SBNO1: variants seen among roughly 807,000 people sequenced by gnomAD.
SBNO1 encodes strawberry notch homolog 1.
SBNO1 carries 23 observed loss-of-function variants against 173.6 expected under a neutral mutation model. The ratio of observed to expected loss-of-function variants is 0.13; its 90% CI spans 0.10 to 0.19. The LOEUF is 0.19. Ranked by LOEUF, SBNO1 falls within the 10% of genes least tolerant of loss-of-function variation. The pLI, the probability that SBNO1 is intolerant of heterozygous loss-of-function variation, is 1.00. For synonymous variants in SBNO1, 632 were observed against 571.5 expected (o/e 1.11, Z -1.51); for missense variants, 1,238 against 1,671.2 (o/e 0.74, Z 4.52).
At chr12:123,338,079 T>C (rs942344122) in intron 5 of SBNO1, among the ~76,000 whole-genome samples, 5 of 152,088 alleles carry the variant, frequency 3.3e-5, no homozygotes, top group Non-Finnish European at 7.3e-5. Flanking sequence ...ACCTGGGAAA[T>C]GTTTGCCCAA....
At chr12:123,320,153 A>G (rs1869781532) in intron 19 of SBNO1, 122 bp from the exon 20 acceptor site, 2 of 1,123,970 alleles carry the variant, frequency 1.8e-6, no homozygotes, top group South Asian at 3.0e-5. Context: ...CACACACTGA[A>G]GGATACAGAA....
intron 1 of SBNO1, among the ~76,000 whole-genome samples, chr12:123,360,903 G>C (rs1020808041): frequency 6.6e-6 from 1 of 152,066 alleles, no homozygotes; most frequent in African/African-American, 2.4e-5. Context: ...ACGAGGTCAG[G>C]AGATCGAGAC....
intron 6 of SBNO1, among the ~76,000 whole-genome samples, chr12:123,334,878 CAA>C (rs1313575498): frequency 6.6e-6 from 1 of 152,142 alleles, no homozygotes; most frequent in Non-Finnish European, 1.5e-5. Context: ...TTCAGTAAAA[CAA>C]AAGTTTGCAA....
chr12:123,303,922 C>CTTTTTTTT (rs11413728), intron 29 of SBNO1, among the ~76,000 whole-genome samples: 7 of 100,464 alleles, frequency 7.0e-5, no homozygotes, highest in Admixed American at 1.6e-4. Context: ...AATAAGTATT[C>CTTTTTTTT]TTTTTTTTTT....
Position 123,336,316 on chromosome 12 carries a change from G to GA in SBNO1, c.748+78dup, listed in dbSNP as rs901674160. 71 of 950,346 alleles carry GA rather than the reference G, an allele frequency of 7.5e-5. 1 individual carries two copies. In the African/African-American group the frequency reaches 7.8e-4, roughly 10 times the overall value. The allele number at this position is 950,346 out of a possible 1,614,324, so 58.9% of individuals were successfully genotyped here. On this transcript the variant is annotated intron_variant, in intron 6 of 31. Coordinates refer to ENST00000602398, the MANE Select transcript of SBNO1 (RefSeq NM_001167856.3). ...TAAAGCAAGATTCTAAATTTATATG[G>GA]AAAAAAACAAAACAAAAAGAACCAA...
rs1202904596 is a variant in SBNO1 at position 123,289,899 on chromosome 12, T to G, written c.*6009A>C. 12 of 152,278 alleles carry G rather than the reference T, an allele frequency of 7.9e-5. No homozygotes were observed. Among genetic ancestry groups the G allele is most frequent in the Non-Finnish European group, 1.8e-4 (12 of 68,076 alleles). 9.4% of individuals were successfully genotyped at this position (152,278 alleles called of 1,614,324 possible). ...CAGCAAAAAGGCCTTCAGTGTCTGC[T>G]GGCCAGAAACATCTGCCCAGGCACA... On this transcript the variant is annotated 3_prime_UTR_variant, in exon 32 of 32. Transcript: ENST00000602398.
At chr12:123,344,384 C>CA (rs1872877624) in intron 4 of SBNO1, among the ~76,000 whole-genome samples, 1 of 152,100 alleles carries the variant, frequency 6.6e-6, no homozygotes, top group Non-Finnish European at 1.5e-5. Flanking sequence ...AAACGAAAAC[C>CA]AAAAGACAAA....
chr12:123,356,517 C>T (rs1421223721), intron 1 of SBNO1, among the ~76,000 whole-genome samples: 1 of 152,220 alleles, frequency 6.6e-6, no homozygotes, highest in African/African-American at 2.4e-5. Context: ...CTCACTGCAA[C>T]CTTGAATCCG....
At chr12:123,306,872 TTCAA>T (rs2048927991) in intron 28 of SBNO1, among the ~76,000 whole-genome samples, 5 of 151,702 alleles carry the variant, frequency 3.3e-5, no homozygotes, top group Admixed American at 3.3e-4. Flanking sequence ...CAACCTACAG[TTCAA>T]TCAGTATTTC....
At chr12:123,348,363 CCT>C (rs1873466823) in intron 2 of SBNO1, among the ~76,000 whole-genome samples, 1 of 152,204 alleles carries the variant, frequency 6.6e-6, no homozygotes, top group Non-Finnish European at 1.5e-5. Flanking sequence ...GTGGCTCATG[CCT>C]GTAATCCCAG....
Position 123,319,581 on chromosome 12 carries a change from G to A in SBNO1, c.2799+319C>T, listed in dbSNP as rs546457889. Among the ~76,000 whole-genome samples the A allele has an allele frequency of 5.7e-4, 87 of 151,388 alleles. 1 individual carries two copies. The highest frequency in any genetic ancestry group is 1.9e-3 in the African/African-American group (79 of 41,386). On this transcript the variant is annotated intron_variant, in intron 20 of 31. Transcript: ENST00000602398. ...CACTACCACACCCAGCTAAATTTTTGTATTTTCAGTAGAGACGGGGTTTCA... is the reference window on the plus strand; with the variant it reads ...CACTACCACACCCAGCTAAATTTTTATATTTTCAGTAGAGACGGGGTTTCA...
At chr12:123,324,977 T>A (rs1870446326) in intron 15 of SBNO1, among the ~76,000 whole-genome samples, 1 of 150,952 alleles carries the variant, frequency 6.6e-6, no homozygotes, top group Admixed American at 6.6e-5. Flanking sequence ...GCCCAACTAA[T>A]TTTTTTTATT....
At chr12:123,337,146 C>T (rs935353032) in intron 5 of SBNO1, among the ~76,000 whole-genome samples, 1 of 152,122 alleles carries the variant, frequency 6.6e-6, no homozygotes, top group Non-Finnish European at 1.5e-5. Context: ...ATTTATTTTC[C>T]AAACCCTGGC....
rs139598795 is a variant in SBNO1, at chr12:123,344,161, G to A, written c.550+1097C>T. Among the ~76,000 whole-genome samples, 7 of 152,240 alleles carry A rather than the reference G, an allele frequency of 4.6e-5. No individual in the cohort carries two copies. In the East Asian group the frequency reaches 1.2e-3, roughly 25 times the overall value. ...CCTCATTAAATCCAAAGACCGTAAC[G>A]AGAAGCATCTTCCACCAACTGTCGA... On this transcript the variant is annotated intron_variant, in intron 4 of 31. Coordinates refer to ENST00000602398, the MANE Select transcript of SBNO1 (RefSeq NM_001167856.3).
At chr12:123,353,460 G>A (rs1874107128) in intron 1 of SBNO1, among the ~76,000 whole-genome samples, 1 of 152,044 alleles carries the variant, frequency 6.6e-6, no homozygotes, top group Non-Finnish European at 1.5e-5. Context: ...CAAAATAAAC[G>A]CCAGATTGAG....
At chr12:123,336,528 A>C in intron 5 of SBNO1, 37 bp from the exon 6 acceptor site, 2 of 1,376,432 alleles carry the variant, frequency 1.5e-6, no homozygotes, top group Non-Finnish European at 2.0e-6. Flanking sequence ...TCCCAAATCC[A>C]GGGACCAGAC....
At position 123,313,723 on chromosome 12, in the gene SBNO1, CA is replaced by C. The variant is rs63621660; in HGVS notation, c.3121-5del. On this transcript the variant is annotated splice_polypyrimidine_tract_variant and splice_region_variant and intron_variant, in intron 23 of 31. Coordinates refer to ENST00000602398, the MANE Select transcript of SBNO1 (RefSeq NM_001167856.3). Reference sequence around the variant, plus strand: ...TTTCTAAAGCATTTCTTCCATACTGCAAAAAAAAATCAAAACCTTTAACCAG... The same window carrying C: ...TTTCTAAAGCATTTCTTCCATACTGCAAAAAAAATCAAAACCTTTAACCAG... 67,347 of 1,524,798 alleles carry C rather than the reference CA, an allele frequency of 0.044. 2,425 individuals are homozygous for C. The highest frequency in any genetic ancestry group is 0.25 in the East Asian group (10,745 of 43,792). The allele number at this position is 1,524,798 out of a possible 1,614,324, so 94.5% of individuals were successfully genotyped here. A position where few individuals can be genotyped will look rare whatever the true frequency, so the allele number is the denominator to read the frequency against.
intron 5 of SBNO1, among the ~76,000 whole-genome samples, chr12:123,337,246 C>T (rs1036582885): frequency 2.0e-5 from 3 of 152,180 alleles, no homozygotes; most frequent in African/African-American, 4.8e-5. Context: ...ATGGTCACCA[C>T]GGTTATGCTT....
intron 31 of SBNO1, 123 bp downstream of exon 31, chr12:123,297,855 C>G: frequency 1.2e-6 from 1 of 816,244 alleles, no homozygotes; most frequent in Admixed American, 2.5e-5. Context: ...TAAAACGGGT[C>G]CCATACCCAC....
Sources: allele counts gnomAD v4.1 joint callset (sites outside exome capture counted in the v4.1 genomes callset), GRCh38; gene constraint gnomAD v4.1.1; transcripts MANE v1.5; gene names NCBI Gene and HGNC (gene_info 2026-07-23, HGNC 2026-07-21).